GPM6A: variants seen among roughly 807,000 people sequenced by gnomAD.
The protein encoded by GPM6A is neuronal membrane glycoprotein M6-a.
GPM6A carries 7 observed loss-of-function variants against 32.1 expected under a neutral mutation model. The observed-to-expected ratio is 0.22, with a 90% CI of 0.12 to 0.41. The LOEUF (loss-of-function observed/expected upper bound fraction) is 0.41. GPM6A is among the 10% of genes least tolerant of loss of function. The pLI is 1.00. For missense variants in GPM6A, 235 were observed against 347.2 expected (o/e 0.68, Z 2.57); for synonymous variants, 130 against 123.4 (o/e 1.05, Z -0.35).
intron 2 of GPM6A, among the ~76,000 whole-genome samples, chr4:175,682,971 A>ATCTCCAGACCCC (rs1743771064): frequency 6.6e-6 from 1 of 152,200 alleles, no homozygotes; most frequent in Admixed American, 6.5e-5. Flanking sequence ...GAACTGTGAG[A>ATCTCCAGACCCC]AGTGGGTCAC....
At chr4:175,789,384 T>A (rs1282674930) in intron 1 of GPM6A, among the ~76,000 whole-genome samples, 1 of 152,156 alleles carries the variant, frequency 6.6e-6, no homozygotes, top group Admixed American at 6.6e-5. Flanking sequence ...CCTTCATTGA[T>A]CTCACATGTT....
chr4:175,918,759 G>A (rs1024775787), intron 1 of GPM6A, among the ~76,000 whole-genome samples: 6 of 152,076 alleles, frequency 3.9e-5, no homozygotes, highest in Admixed American at 2.6e-4. Context: ...ATGCAGAAAT[G>A]TATATTTAAA....
intron 1 of GPM6A, among the ~76,000 whole-genome samples, chr4:175,906,175 A>T (rs1471773232): frequency 6.6e-6 from 1 of 152,170 alleles, no homozygotes; most frequent in Non-Finnish European, 1.5e-5. Flanking sequence ...ATGTCACTGC[A>T]TCAGTGACAA....
chr4:175,910,924 G>A (rs1183550412), intron 1 of GPM6A, among the ~76,000 whole-genome samples: 5 of 152,134 alleles, frequency 3.3e-5, no homozygotes, highest in Non-Finnish European at 7.3e-5. Context: ...TTTACAAAGA[G>A]GCAATGGGGT....
Position 175,732,290 on chromosome 4 carries a change from G to C in GPM6A, c.38-30523C>G, listed in dbSNP as rs373010827. Among the ~76,000 whole-genome samples the C allele has an allele frequency of 1.1e-4, 16 of 151,864 alleles. No individual in the cohort carries two copies. The South Asian group carries it at 1.7e-3, about 16-fold the overall frequency. ...CACTTCCTCACTTCTTTGTTCAAGC[G>C]TTATTGCTACAGTAGCACACATTTT... On this transcript the variant is annotated intron_variant, in intron 1 of 6. Transcript: ENST00000393658.
intron 1 of GPM6A, among the ~76,000 whole-genome samples, chr4:175,798,321 G>A (rs982102531): frequency 1.3e-5 from 2 of 152,056 alleles, no homozygotes; most frequent in Admixed American, 6.6e-5. Flanking sequence ...TAAACTTGAC[G>A]TTAAGATTAC....
intron 1 of GPM6A, among the ~76,000 whole-genome samples, chr4:175,864,644 T>G (rs1485400194): frequency 6.6e-6 from 1 of 152,188 alleles, no homozygotes; most frequent in Admixed American, 6.5e-5. Context: ...TAAATTCGAT[T>G]AATTCCATTT....
intron 1 of GPM6A, among the ~76,000 whole-genome samples, chr4:175,859,273 T>A (rs1177636314): frequency 6.6e-6 from 1 of 152,144 alleles, no homozygotes; most frequent in Admixed American, 6.5e-5. Context: ...ATATGACTAG[T>A]CACAAAGAAA....
chr4:175,907,916 T>C (rs907016341), intron 1 of GPM6A, among the ~76,000 whole-genome samples: 5 of 152,158 alleles, frequency 3.3e-5, no homozygotes, highest in Non-Finnish European at 5.9e-5. Flanking sequence ...ATTCTGTCTT[T>C]TGTTATAGGG....
exon 1 of GPM6A, chr4:176,002,332 C>T (rs769460547): frequency 6.3e-7 from 1 of 1,588,716 alleles, no homozygotes; most frequent in East Asian, 2.3e-5. Context: ...TCCTGCTTCT[C>T]TGCAGTCCCC....
chr4:175,725,832 G>T (rs1312492417), intron 1 of GPM6A, among the ~76,000 whole-genome samples: 1 of 152,034 alleles, frequency 6.6e-6, no homozygotes, highest in African/African-American at 2.4e-5. Flanking sequence ...TACATGAAAT[G>T]AATGCTTTGC....
chr4:175,872,709 T>C (rs113615182), intron 1 of GPM6A: 30 of 152,320 alleles, frequency 2.0e-4, no homozygotes, highest in African/African-American at 6.3e-4. Context: ...GATTAATATG[T>C]AAGCAATGCC....
intron 1 of GPM6A, among the ~76,000 whole-genome samples, chr4:175,722,528 C>A (rs1307240462): frequency 2.0e-5 from 3 of 152,100 alleles, no homozygotes; most frequent in Non-Finnish European, 4.4e-5. Flanking sequence ...CACCCTTTTG[C>A]AGCTTTCTTC....
chr4:175,897,325 G>C (rs1344322248), intron 1 of GPM6A, among the ~76,000 whole-genome samples: 1 of 152,034 alleles, frequency 6.6e-6, no homozygotes, highest in Non-Finnish European at 1.5e-5. Context: ...AAATACCCTG[G>C]CTTCTCCTTA....
At chr4:175,820,183 AC>A (rs1281849853) in intron 1 of GPM6A, among the ~76,000 whole-genome samples, 3 of 152,212 alleles carry the variant, frequency 2.0e-5, no homozygotes, top group African/African-American at 7.2e-5. Context: ...GACTTTATGC[AC>A]AGTTATTATT....
intron 1 of GPM6A, among the ~76,000 whole-genome samples, chr4:175,793,583 C>T (rs1050271623): frequency 6.6e-6 from 1 of 152,030 alleles, no homozygotes; most frequent in Non-Finnish European, 1.5e-5. Context: ...GCTATGTTGG[C>T]CAGGCTGGTC....
intron 1 of GPM6A, among the ~76,000 whole-genome samples, chr4:175,851,606 A>C (rs568543068): frequency 1.4e-4 from 22 of 152,192 alleles, no homozygotes; most frequent in Admixed American, 3.3e-4. Flanking sequence ...TCTCTAGTGT[A>C]AAATGGGGAT....
At chr4:175,814,397 T>C (rs1473793654), upstream of GPM6A, among the ~76,000 whole-genome samples, 2 of 152,232 alleles carry the variant, frequency 1.3e-5, no homozygotes, top group African/African-American at 4.8e-5. Flanking sequence ...CCTAATGTTC[T>C]GATCTTAGAA....
At chr4:175,714,561 A>T (rs1283265614) in intron 1 of GPM6A, among the ~76,000 whole-genome samples, 1 of 131,344 alleles carries the variant, frequency 7.6e-6, no homozygotes, top group African/African-American at 2.6e-5. Context: ...CAAGACTTTC[A>T]ATGCATTGCC....
Sources: gnomAD v4.1 joint callset for allele counts (sites outside exome capture counted in the v4.1 genomes callset) on GRCh38, gnomAD v4.1.1 for gene constraint, MANE v1.5 for transcripts, NCBI Gene and HGNC (gene_info 2026-07-23, HGNC 2026-07-21) for gene names.